Variants in SCN8A observed in about 807,000 individuals in gnomAD.
SCN8A encodes sodium channel protein type 8 subunit alpha.
Under a neutral mutation model 184.1 loss-of-function variants are expected in SCN8A, and 30 were observed. That is an observed-to-expected ratio of 0.16 (90% CI 0.12 to 0.22). The LOEUF (loss-of-function observed/expected upper bound fraction) is 0.22. Among genes scored for constraint, SCN8A ranks in the 10% least tolerant of loss-of-function variants. The pLI, the probability that SCN8A is intolerant of heterozygous loss-of-function variation, is 1.00. For synonymous variants in SCN8A, 852 were observed against 907.0 expected (o/e 0.94, Z 1.09); for missense variants, 1,057 against 2,498.9 (o/e 0.42, Z 12.30).
chr12:51,783,460 G>C (rs1937986832), intron 21 of SCN8A, among the ~76,000 whole-genome samples: 1 of 152,206 alleles, frequency 6.6e-6, no homozygotes, highest in Admixed American at 6.5e-5. Context: ...CAGACTCAGA[G>C]CTTCGCTTGA....
chr12:51,707,346 C>G (rs1274827560), intron 11 of SCN8A, among the ~76,000 whole-genome samples: 1 of 151,928 alleles, frequency 6.6e-6, no homozygotes, highest in African/African-American at 2.4e-5. Context: ...TAAGTATTAA[C>G]TTACACAATC....
Position 51,746,007 on chromosome 12 carries a change from G to A in SCN8A, c.2103G>A (p.Met701Ile). The A allele has an allele frequency of 6.2e-7, 1 of 1,610,738 alleles. No homozygotes were observed. The change falls in exon 13 of 27, where the codon ATG (methionine) becomes ATA (isoleucine). Residue 701 changes from methionine (M) to isoleucine (I), a missense_variant. By Grantham distance (10) the Met-to-Ile change is conservative. Transcript: ENST00000627620. ...YGRKDRINSI[M>I]SVVTNTLVEE... ...GGAAGGACAGAATCAACAGTATAAT[G>A]AGTGTTGTTACAAATACACTAGTAG...
At chr12:51,708,587 C>G (rs192587952) in intron 11 of SCN8A, among the ~76,000 whole-genome samples, 17 of 152,264 alleles carry the variant, frequency 1.1e-4, no homozygotes, top group Admixed American at 2.0e-4. Context: ...TTCCCACTTG[C>G]ATCTCTCACT....
chr12:51,768,211 T>C (rs1424763832), intron 16 of SCN8A: 1 of 152,198 alleles, frequency 6.6e-6, no homozygotes, highest in Non-Finnish European at 1.5e-5. Context: ...ACCTTAATGT[T>C]CAATGTAGTA....
At chr12:51,649,409 C>T (rs1019560236) in intron 1 of SCN8A, among the ~76,000 whole-genome samples, 17 of 152,238 alleles carry the variant, frequency 1.1e-4, no homozygotes, top group African/African-American at 3.4e-4. Context: ...CCCACATTTC[C>T]CCTCTACACT....
At chr12:51,695,890 A>G (rs74095023) in intron 6 of SCN8A, among the ~76,000 whole-genome samples, 5,450 of 152,250 alleles carry the variant, frequency 0.036, 294 homozygotes, top group African/African-American at 0.12. Context: ...TTGTACAGAC[A>G]TGGCTGCTGA....
rs1938692531 is a variant in SCN8A at position 51,806,053 on chromosome 12, C to G, written c.4796-229C>G. Among the ~76,000 whole-genome samples the G allele has an allele frequency of 6.6e-6, 1 of 152,152 alleles. No individual in the cohort carries two copies. Among genetic ancestry groups the G allele is most frequent in the East Asian group, 1.9e-4 (1 of 5,184 alleles). On this transcript the variant is annotated intron_variant, in intron 26 of 26. Transcript: ENST00000627620. The surrounding 1 kb of genome is among the most constrained non-coding windows in gnomAD (Gnocchi z 8.7). ...ATGTTGGCCAGGCTGGTCTCCAACTCCTGGCCTCAAGTAATCCACCTGCCT... is the reference window on the plus strand; with the variant it reads ...ATGTTGGCCAGGCTGGTCTCCAACTGCTGGCCTCAAGTAATCCACCTGCCT...
intron 9 of SCN8A, among the ~76,000 whole-genome samples, chr12:51,704,994 T>C (rs1304911891): frequency 6.6e-6 from 1 of 151,976 alleles, no homozygotes; most frequent in Non-Finnish European, 1.5e-5. Context: ...ATAAATAAAA[T>C]AAAAAGATGG....
chr12:51,780,998 A>G (rs187784962), intron 21 of SCN8A, among the ~76,000 whole-genome samples: 36 of 152,300 alleles, frequency 2.4e-4, no homozygotes, highest in African/African-American at 8.4e-4. Flanking sequence ...GCCATCGCAG[A>G]ACATGTTAAC....
rs71092715 is a variant in SCN8A at position 51,650,506 on chromosome 12, C to CT, written c.-54-12237dup. Among the ~76,000 whole-genome samples, 775 of 101,010 alleles carry CT rather than the reference C, an allele frequency of 7.7e-3. 10 individuals are homozygous for CT. The highest frequency in any genetic ancestry group is 0.023 in the African/African-American group (614 of 27,120). 66.3% of individuals were successfully genotyped at this position (101,010 alleles called of 152,430 possible). On this transcript the variant is annotated intron_variant, in intron 1 of 26. Coordinates refer to ENST00000627620, the MANE Select transcript of SCN8A (RefSeq NM_001330260.2). ...ATCATGGCGGGAGGCAAAAGGCACT[C>CT]TTTTTTTTTTTTTTTTTTTTTGAGA...
intron 20 of SCN8A, chr12:51,780,253 G>A (rs969478220): frequency 4.4e-6 from 2 of 456,442 alleles, no homozygotes; most frequent in Non-Finnish European, 8.8e-6. Flanking sequence ...GGGACCTGCA[G>A]AGACTGTAAA....
intron 7 of SCN8A, among the ~76,000 whole-genome samples, chr12:51,700,025 G>A (rs1941658309): frequency 6.6e-6 from 1 of 152,032 alleles, no homozygotes; most frequent in Non-Finnish European, 1.5e-5. Flanking sequence ...AATTAGCCAG[G>A]CGTGGTGGCA....
At chr12:51,737,411 T>C (rs922631201) in intron 12 of SCN8A, among the ~76,000 whole-genome samples, 1 of 152,218 alleles carries the variant, frequency 6.6e-6, no homozygotes, top group African/African-American at 2.4e-5. Context: ...TAGTTGTAAC[T>C]CTGCCTCTGC....
intron 1 of SCN8A, among the ~76,000 whole-genome samples, chr12:51,616,582 G>T (rs1248318517): frequency 6.6e-6 from 1 of 152,012 alleles, no homozygotes; most frequent in African/African-American, 2.4e-5. Context: ...CTGCACCCCA[G>T]CCTGGGCAAC....
chr12:51,772,344 G>C (rs562028595), intron 19 of SCN8A, among the ~76,000 whole-genome samples: 56 of 151,050 alleles, frequency 3.7e-4, no homozygotes, highest in African/African-American at 1.3e-3. Flanking sequence ...GCAGTGTGCC[G>C]AGATTGCACC....
In SCN8A at chr12:51,786,372, T is replaced by C. The variant is rs2289378; in HGVS notation, c.3943-170T>C. Among the ~76,000 whole-genome samples, 9 of 152,260 alleles carry C rather than the reference T, an allele frequency of 5.9e-5. No individual in the cohort carries two copies. The East Asian group carries it at 1.5e-3, about 26-fold the overall frequency. The stretch of plus-strand genomic sequence containing the variant: ...AAATTCCTTCAATATAGTCCTAGAC[T>C]TAGAAATTTTTGGTCCTACTTGTCA... On this transcript the variant is annotated intron_variant, in intron 21 of 26. Coordinates refer to ENST00000627620, the MANE Select transcript of SCN8A (RefSeq NM_001330260.2).
chr12:51,628,684 G>A (rs757855690), intron 1 of SCN8A, among the ~76,000 whole-genome samples: 7 of 152,142 alleles, frequency 4.6e-5, no homozygotes, highest in Non-Finnish European at 8.8e-5. Flanking sequence ...GGTGTCAACA[G>A]GCTGGTGTTT....
chr12:51,768,663 G>A (rs1418535396), intron 16 of SCN8A, among the ~76,000 whole-genome samples: 1 of 152,170 alleles, frequency 6.6e-6, no homozygotes, highest in Non-Finnish European at 1.5e-5. Flanking sequence ...GAAAAGAGGT[G>A]CTAAACTCCT....
intron 1 of SCN8A, among the ~76,000 whole-genome samples, chr12:51,627,726 T>G (rs1940110759): frequency 6.6e-6 from 1 of 152,210 alleles, no homozygotes; most frequent in South Asian, 2.1e-4. Flanking sequence ...AAATAAGCAC[T>G]GAGAGCCCTT....
Sources: gnomAD v4.1 joint callset for allele counts (sites outside exome capture counted in the v4.1 genomes callset) on GRCh38, gnomAD v4.1.1 for gene constraint, Gnocchi (gnomAD v3.1) non-coding constraint, MANE v1.5 for transcripts, NCBI Gene and HGNC (gene_info 2026-07-23, HGNC 2026-07-21) for gene names.